MYO1E: variants seen among roughly 807,000 people sequenced by gnomAD.
MYO1E encodes unconventional myosin-Ie.
A neutral mutation model predicts 151.1 loss-of-function variants in MYO1E; 68 were observed. That is an observed-to-expected ratio of 0.45 (90% CI 0.37 to 0.55). The LOEUF is 0.55. MYO1E is among the 20% of genes least tolerant of loss of function. The probability of loss-of-function intolerance (pLI) is 0.00; values close to 1 mark genes in which losing one functional copy is unlikely to be tolerated. For missense variants in MYO1E, 1,363 were observed against 1,389.3 expected (o/e 0.98, Z 0.30); for synonymous variants, 601 against 501.7 (o/e 1.20, Z -2.64).
intron 21 of MYO1E, among the ~76,000 whole-genome samples, chr15:59,173,250 T>C (rs1025278466): frequency 2.6e-5 from 4 of 152,184 alleles, no homozygotes; most frequent in Admixed American, 2.0e-4. Flanking sequence ...AGGAGACAGA[T>C]AGATACACAA....
At chr15:59,258,029 G>A (rs1406496942) in intron 3 of MYO1E, among the ~76,000 whole-genome samples, 1 of 152,152 alleles carries the variant, frequency 6.6e-6, no homozygotes, top group Non-Finnish European at 1.5e-5. Flanking sequence ...AGATTTTTGG[G>A]CAGAAAAAGG....
At chr15:59,257,535 C>A (rs745772767) in intron 3 of MYO1E, among the ~76,000 whole-genome samples, 1 of 152,194 alleles carries the variant, frequency 6.6e-6, no homozygotes, top group Non-Finnish European at 1.5e-5. Context: ...CTTAATCCAT[C>A]TTTGGATTAA....
chr15:59,230,791 A>G (rs2080023288), intron 6 of MYO1E, among the ~76,000 whole-genome samples: 1 of 152,242 alleles, frequency 6.6e-6, no homozygotes, highest in East Asian at 1.9e-4. Context: ...AGTGGAAAAG[A>G]AAATTGTTTT....
intron 2 of MYO1E, among the ~76,000 whole-genome samples, chr15:59,269,158 G>A (rs571100024): frequency 2.0e-5 from 3 of 152,128 alleles, no homozygotes; most frequent in South Asian, 2.1e-4. Context: ...AAAATAACTC[G>A]GAAATATGGG....
intron 1 of MYO1E, among the ~76,000 whole-genome samples, chr15:59,286,829 TAAGGGCA>T (rs774489597): frequency 2.0e-5 from 3 of 152,180 alleles, no homozygotes; most frequent in Non-Finnish European, 4.4e-5. Context: ...AATGTAACCA[TAAGGGCA>T]TTGGTCTAGG....
At chr15:59,361,868 G>A (rs575584378) in intron 1 of MYO1E, among the ~76,000 whole-genome samples, 3 of 151,532 alleles carry the variant, frequency 2.0e-5, no homozygotes, top group East Asian at 1.9e-4. Context: ...ATGGAGTCTG[G>A]CTGTATCGCC....
At chr15:59,237,602 A>T (rs1213973520) in intron 4 of MYO1E, among the ~76,000 whole-genome samples, 2 of 152,166 alleles carry the variant, frequency 1.3e-5, no homozygotes, top group East Asian at 3.9e-4. Context: ...GTTAGTATGA[A>T]AAATGCAGAC....
At chr15:59,236,345 C>CAAA (rs1388792401) in intron 5 of MYO1E, among the ~76,000 whole-genome samples, 2 of 11,726 alleles carry the variant, frequency 1.7e-4, no homozygotes, top group African/African-American at 2.8e-4. Flanking sequence ...GACTCTGTCT[C>CAAA]AAAAAAGAAA....
At chr15:59,269,799 G>A (rs962737538) in intron 2 of MYO1E, among the ~76,000 whole-genome samples, 1 of 151,952 alleles carries the variant, frequency 6.6e-6, no homozygotes. Flanking sequence ...GTTGCAGTGA[G>A]CCAAGATTTC....
intron 18 of MYO1E, among the ~76,000 whole-genome samples, chr15:59,181,080 T>C (rs756085985): frequency 6.6e-6 from 1 of 152,126 alleles, no homozygotes; most frequent in South Asian, 2.1e-4. Flanking sequence ...AGGATGTTTC[T>C]GACCTCGGAG....
Position 59,220,386 on chromosome 15 carries a change from T to G in MYO1E, c.911-2299A>C, listed in dbSNP as rs186987985. Among the ~76,000 whole-genome samples, 1,241 of 152,158 alleles carry G rather than the reference T, an allele frequency of 8.2e-3. 13 individuals are homozygous for G. Among genetic ancestry groups the G allele is most frequent in the African/African-American group, 0.028 (1,164 of 41,502 alleles). On this transcript the variant is annotated intron_variant, in intron 9 of 27. Coordinates refer to ENST00000288235, the MANE Select transcript of MYO1E (RefSeq NM_004998.4). ...ACTGCTTGAACCCAGGAGGTGGAGG[T>G]TGCAGTGAGCCGAGATAGCGCCACT... is the stretch of plus-strand genomic sequence containing the variant.
At chr15:59,224,635 A>T in intron 8 of MYO1E, 54 bp downstream of exon 8, 2 of 1,612,086 alleles carry the variant, frequency 1.2e-6, no homozygotes, top group South Asian at 1.1e-5. Context: ...TTTTGGCCAC[A>T]GGAAATGGCC....
At chr15:59,145,359 T>C (rs905620975) in intron 26 of MYO1E, among the ~76,000 whole-genome samples, 17 of 152,144 alleles carry the variant, frequency 1.1e-4, no homozygotes, top group Admixed American at 5.9e-4. Context: ...TGTGAGCCAG[T>C]TGTCAAACAT....
chr15:59,260,856 C>T lies in MYO1E; in HGVS notation c.237+564G>A, dbSNP rs2080220501. Among the ~76,000 whole-genome samples, 3 of 152,084 alleles carry T rather than the reference C, an allele frequency of 2.0e-5. No homozygotes were observed. The South Asian group carries it at 6.2e-4, about 32-fold the overall frequency. On this transcript the variant is annotated intron_variant, in intron 3 of 27. Transcript: ENST00000288235. ...ATCCCTAAGCTGTAGGTCCTACATC[C>T]TATTTAACTAATTTTCTATGCAAAT...
chr15:59,222,989 A>G, intron 9 of MYO1E, 70 bp downstream of exon 9: 1 of 1,596,868 alleles, frequency 6.3e-7, no homozygotes, highest in Non-Finnish European at 8.6e-7. Context: ...TAAGCAAAGG[A>G]AAGTGCTAGG....
At chr15:59,254,681 T>C (rs1006904730) in intron 4 of MYO1E, among the ~76,000 whole-genome samples, 1 of 152,176 alleles carries the variant, frequency 6.6e-6, no homozygotes, top group Non-Finnish European at 1.5e-5. Context: ...AAAAGGTTTT[T>C]TTTTTCCCAA....
intron 6 of MYO1E, among the ~76,000 whole-genome samples, chr15:59,229,816 T>C (rs6494080): frequency 0.25 from 37,369 of 152,002 alleles, 4,895 homozygotes; most frequent in African/African-American, 0.33. Context: ...ATTACTGTCA[T>C]AGATGTCAAA....
At chr15:59,305,582 T>C (rs1205661310) in intron 1 of MYO1E, among the ~76,000 whole-genome samples, 1 of 151,994 alleles carries the variant, frequency 6.6e-6, no homozygotes, top group Non-Finnish European at 1.5e-5. Context: ...CCCCAGCAGA[T>C]GAGATAAACC....
At chr15:59,338,933 A>AC (rs1253900500) in intron 1 of MYO1E, among the ~76,000 whole-genome samples, 2 of 152,174 alleles carry the variant, frequency 1.3e-5, no homozygotes, top group African/African-American at 4.8e-5. Context: ...GGAGTTCAAA[A>AC]CCAGCCTGGC....
Sources: allele counts gnomAD v4.1 joint callset (sites outside exome capture counted in the v4.1 genomes callset), GRCh38; gene constraint gnomAD v4.1.1; transcripts MANE v1.5; gene names NCBI Gene and HGNC (gene_info 2026-07-23, HGNC 2026-07-21).